Variants in ZNF469 observed in about 807,000 individuals in gnomAD.
ZNF469 encodes zinc finger protein 469.
A neutral mutation model predicts 1.0 loss-of-function variants in ZNF469; 1 was observed. The observed-to-expected ratio is 1.00, with a 90% CI of 0.35 to 4.73. The LOEUF (loss-of-function observed/expected upper bound fraction) is 4.73. Ranked by LOEUF, ZNF469 falls within the 30% of genes most tolerant of loss-of-function variation. The pLI is 0.16. For missense variants in ZNF469, 6,100 were observed against 5,356.3 expected (o/e 1.14, Z -4.33); for synonymous variants, 2,703 against 2,363.4 (o/e 1.14, Z -4.17).
intron 1 of ZNF469, among the ~76,000 whole-genome samples, chr16:88,384,494 G>C (rs1405882098): frequency 6.6e-6 from 1 of 152,242 alleles, no homozygotes; most frequent in East Asian, 1.9e-4. Flanking sequence ...AGGAAGGGCA[G>C]CCAGGCACCC....
At chr16:88,319,992 T>C in the ZNF469 span, among the ~76,000 whole-genome samples, 2 of 152,166 alleles carry the variant, frequency 1.3e-5, no homozygotes, top group African/African-American at 4.8e-5. Context: ...GAAGCCTGAC[T>C]CCTCGCCACA....
At chr16:88,276,195 C>T in the ZNF469 span, among the ~76,000 whole-genome samples, 3 of 152,262 alleles carry the variant, frequency 2.0e-5, no homozygotes, top group Admixed American at 2.0e-4. Context: ...GAGTCAAGGC[C>T]ACAGAAAGCT....
the ZNF469 span, among the ~76,000 whole-genome samples, chr16:88,357,211 A>T: frequency 6.6e-6 from 1 of 151,828 alleles, no homozygotes; most frequent in Non-Finnish European, 1.5e-5. Context: ...TTTGAATCCC[A>T]CTCCCCACTT....
chr16:88,293,278 A>T, the ZNF469 span, among the ~76,000 whole-genome samples: 1 of 151,554 alleles, frequency 6.6e-6, no homozygotes, highest in East Asian at 1.9e-4. Flanking sequence ...GGGTGGATGG[A>T]TGGGTGGACA....
the ZNF469 span, among the ~76,000 whole-genome samples, chr16:88,283,415 G>A: frequency 6.7e-3 from 1,020 of 152,152 alleles, 12 homozygotes; most frequent in African/African-American, 0.023. Flanking sequence ...CAAAAAATAA[G>A]ACGAATGAAT....
the ZNF469 span, among the ~76,000 whole-genome samples, chr16:88,158,039 G>C: frequency 5.0e-4 from 76 of 152,178 alleles, no homozygotes; most frequent in African/African-American, 1.8e-3. Context: ...GTCCTGCTGC[G>C]GGGATGCTCC....
intron 1 of ZNF469, among the ~76,000 whole-genome samples, chr16:88,403,671 C>G (rs1203694707): frequency 1.3e-5 from 2 of 152,236 alleles, no homozygotes; most frequent in Non-Finnish European, 2.9e-5. Context: ...CCATTTGTTT[C>G]TGTCTTGATC....
At chr16:88,126,188 C>CAAA in the ZNF469 span, among the ~76,000 whole-genome samples, 982 of 58,880 alleles carry the variant, frequency 0.017, 9 homozygotes, top group African/African-American at 0.035. Flanking sequence ...GACTCCATCC[C>CAAA]AAAAAAAAAA....
the ZNF469 span, among the ~76,000 whole-genome samples, chr16:88,223,140 C>T: frequency 8.5e-5 from 13 of 152,200 alleles, no homozygotes; most frequent in Non-Finnish European, 1.9e-4. Flanking sequence ...GCTGTGTCCC[C>T]ACCCAAATCT....
At chr16:88,165,027 C>G in the ZNF469 span, among the ~76,000 whole-genome samples, 2 of 152,318 alleles carry the variant, frequency 1.3e-5, no homozygotes, top group East Asian at 3.9e-4. Flanking sequence ...GGTGGTGTGC[C>G]CCTCCATGCC....
chr16:88,350,309 C>T, the ZNF469 span, among the ~76,000 whole-genome samples: 4 of 152,248 alleles, frequency 2.6e-5, no homozygotes, highest in South Asian at 2.1e-4. Flanking sequence ...GCATGATCCA[C>T]GCAGGGACCT....
At chr16:88,202,273 C>T in the ZNF469 span, among the ~76,000 whole-genome samples, 2 of 152,334 alleles carry the variant, frequency 1.3e-5, no homozygotes, top group Admixed American at 6.5e-5. Flanking sequence ...GTGCATTTTC[C>T]ACATACAGAA....
chr16:88,419,150 A>T (rs1252081171), intron 1 of ZNF469, among the ~76,000 whole-genome samples: 2 of 152,206 alleles, frequency 1.3e-5, no homozygotes, highest in African/African-American at 2.4e-5. Context: ...GTGCTGGCAC[A>T]CATGGCATCT....
chr16:88,272,988 G>A, the ZNF469 span, among the ~76,000 whole-genome samples: 103 of 149,056 alleles, frequency 6.9e-4, 1 homozygote, highest in African/African-American at 2.4e-3. Context: ...ATGGATGAAC[G>A]GGTGGGTGTG....
the ZNF469 span, among the ~76,000 whole-genome samples, chr16:88,254,052 A>G: frequency 6.6e-6 from 1 of 151,700 alleles, no homozygotes; most frequent in Non-Finnish European, 1.5e-5. Context: ...TTTTCTGGTT[A>G]TTACTTTTGG....
At chr16:88,361,651 C>T in the ZNF469 span, among the ~76,000 whole-genome samples, 3 of 151,694 alleles carry the variant, frequency 2.0e-5, no homozygotes, top group African/African-American at 7.3e-5. Flanking sequence ...CAGTCTGTGT[C>T]TTGTCTATTC....
chr16:88,352,584 A>G, the ZNF469 span, among the ~76,000 whole-genome samples: 1 of 152,234 alleles, frequency 6.6e-6, no homozygotes, highest in African/African-American at 2.4e-5. Context: ...TACAACCACA[A>G]CAGGCATGGG....
rs1905635923 is a variant in ZNF469 at position 88,424,950 on chromosome 16, C to T, written c.-127+79C>T. Among the ~76,000 whole-genome samples, 1 of 152,192 alleles carries T rather than the reference C, an allele frequency of 6.6e-6. No individual in the cohort carries two copies. The highest frequency in any genetic ancestry group is 1.5e-5 in the Non-Finnish European group (1 of 68,036). ...ATGGTCCTGAGGCCCCCTCCGCCCC[C>T]ACCCGCCCGGCCTTCCTCTCCCTCT... On this transcript the variant is annotated intron_variant, in intron 2 of 2. Coordinates refer to ENST00000565624, the MANE Select transcript of ZNF469 (RefSeq NM_001367624.2). The surrounding 1 kb of genome is among the most constrained non-coding windows in gnomAD (Gnocchi z 4.3).
At chr16:88,277,573 C>G in the ZNF469 span, among the ~76,000 whole-genome samples, 2 of 150,532 alleles carry the variant, frequency 1.3e-5, no homozygotes, top group African/African-American at 4.9e-5. Context: ...GTGTAGATAT[C>G]AGGGCACGGT....
Sources: allele counts gnomAD v4.1 joint callset (sites outside exome capture counted in the v4.1 genomes callset), GRCh38; gene constraint gnomAD v4.1.1; non-coding constraint Gnocchi (gnomAD v3.1); transcripts MANE v1.5; gene names NCBI Gene and HGNC (gene_info 2026-07-23, HGNC 2026-07-21).